EDIL3: variants seen among roughly 807,000 people sequenced by gnomAD.
The protein encoded by EDIL3 is EGF-like repeat and discoidin I-like domain-containing protein 3.
A neutral mutation model predicts 67.4 loss-of-function variants in EDIL3; 37 were observed. The observed-to-expected ratio is 0.55, with a 90% confidence interval of 0.42 to 0.72. The LOEUF is 0.72. Among genes scored for constraint, EDIL3 ranks in the 30% least tolerant of loss-of-function variants. The pLI is 0.00. For synonymous variants in EDIL3, 195 were observed against 196.3 expected (o/e 0.99, Z 0.05); for missense variants, 527 against 586.3 (o/e 0.90, Z 1.04).
intron 3 of EDIL3, among the ~76,000 whole-genome samples, chr5:84,188,382 G>A (rs1484719041): frequency 6.6e-6 from 1 of 151,944 alleles, no homozygotes. Context: ...AGATTCTGGT[G>A]GCTCCTGGCA....
intron 3 of EDIL3, among the ~76,000 whole-genome samples, chr5:84,223,916 A>G (rs1744399067): frequency 6.6e-6 from 1 of 151,452 alleles, no homozygotes; most frequent in Non-Finnish European, 1.5e-5. Context: ...TATTTTTACC[A>G]TTTACATATA....
chr5:84,320,966 T>C (rs1343880691), intron 1 of EDIL3, among the ~76,000 whole-genome samples: 1 of 152,190 alleles, frequency 6.6e-6, no homozygotes, highest in Admixed American at 6.5e-5. Context: ...ATTTTGTTTA[T>C]AAATAATTAC....
intron 3 of EDIL3, among the ~76,000 whole-genome samples, chr5:84,216,015 G>A (rs2112394677): frequency 6.6e-6 from 1 of 152,296 alleles, no homozygotes; most frequent in African/African-American, 2.4e-5. Context: ...GACTGAAGAG[G>A]GGCCTGGAGT....
At chr5:84,383,012 T>C (rs963255131) in intron 1 of EDIL3, among the ~76,000 whole-genome samples, 2 of 152,198 alleles carry the variant, frequency 1.3e-5, no homozygotes, top group African/African-American at 2.4e-5. Context: ...GTGACTCAAA[T>C]AGATGGATAG....
At chr5:84,070,990 A>G (rs1022203025) in intron 6 of EDIL3, among the ~76,000 whole-genome samples, 3 of 152,072 alleles carry the variant, frequency 2.0e-5, no homozygotes, top group Non-Finnish European at 4.4e-5. Flanking sequence ...GCTCTTTCTG[A>G]TCTACCCAGT....
At position 84,254,205 on chromosome 5, in the gene EDIL3, A is replaced by G; in HGVS notation, c.75T>C (p.Ile25=). The G allele has an allele frequency of 1.2e-6, 2 of 1,611,058 alleles. No homozygotes were observed. Among genetic ancestry groups the G allele is most frequent in the Non-Finnish European group, 1.7e-6 (2 of 1,178,664 alleles). ...LGVPQFGKGD[I]CDPNPCENGG... ...CATTTTCACATGGATTGGGATCACA[A>G]ATATCACCTAAGGCATAAAAAAAAA... The change falls in exon 2 of 11, where the codon ATT becomes ATC. Residue 25 remains isoleucine, a synonymous_variant. Transcript: ENST00000296591.
chr5:84,274,350 C>T (rs1446827554), intron 1 of EDIL3, among the ~76,000 whole-genome samples: 1 of 152,132 alleles, frequency 6.6e-6, no homozygotes, highest in East Asian at 1.9e-4. Context: ...AATCCTCCCA[C>T]CTTGGCCTCC....
At chr5:84,241,737 C>G (rs1041441956) in intron 2 of EDIL3, among the ~76,000 whole-genome samples, 2 of 149,528 alleles carry the variant, frequency 1.3e-5, no homozygotes, top group African/African-American at 4.9e-5. Flanking sequence ...ACTTATTGGA[C>G]ATTTCAATAA....
chr5:84,176,559 A>G (rs184652527), intron 4 of EDIL3, among the ~76,000 whole-genome samples: 43 of 151,550 alleles, frequency 2.8e-4, no homozygotes, highest in Middle Eastern at 3.4e-3. Context: ...GAGTGAAGAA[A>G]TAACCTTTCT....
intron 3 of EDIL3, among the ~76,000 whole-genome samples, chr5:84,187,539 GA>G (rs1353833513): frequency 2.0e-5 from 3 of 152,042 alleles, no homozygotes; most frequent in African/African-American, 7.2e-5. Context: ...ATGTAGTAAG[GA>G]AATGCCAGTA....
In EDIL3 at chr5:84,036,441, G is replaced by A. The variant is rs116171622; in HGVS notation, c.1137+23859C>T. 3.0e-3 allele frequency among the ~76,000 whole-genome samples: 460 copies of A among 152,242 alleles called. 2 individuals carry two copies. The highest frequency in any genetic ancestry group is 0.011 in the African/African-American group (437 of 41,534). The stretch of plus-strand genomic sequence containing the variant: ...TTTTCACTTTGAAAATAAGAAAATT[G>A]TGCTCCAGAAAAGACAGATCTTTTG... On this transcript the variant is annotated intron_variant, in intron 9 of 10. Coordinates refer to ENST00000296591, the MANE Select transcript of EDIL3 (RefSeq NM_005711.5).
At chr5:84,029,735 T>C (rs1381226214) in intron 9 of EDIL3, among the ~76,000 whole-genome samples, 3 of 152,170 alleles carry the variant, frequency 2.0e-5, no homozygotes, top group Non-Finnish European at 4.4e-5. Context: ...AATTAAAGTC[T>C]GTATCTACAA....
At chr5:84,206,727 C>A (rs1743987644) in intron 3 of EDIL3, among the ~76,000 whole-genome samples, 1 of 152,022 alleles carries the variant, frequency 6.6e-6, no homozygotes, top group African/African-American at 2.4e-5. Context: ...CCCTGGGATG[C>A]AAGACTGGTT....
rs920457819 is a variant in EDIL3 at position 84,133,401 on chromosome 5, T to A, written c.469+3840A>T. Among the ~76,000 whole-genome samples, 3 of 142,710 alleles carry A rather than the reference T, an allele frequency of 2.1e-5. 1 individual carries two copies. The highest frequency in any genetic ancestry group is 4.5e-5 in the Non-Finnish European group (3 of 66,912). The allele number at this position is 142,710 out of a possible 152,430, so 93.6% of individuals were successfully genotyped here. A position where few individuals can be genotyped will look rare whatever the true frequency, so the allele number is the denominator to read the frequency against. ...ACTTTGGGAGGCCGAGGTGAGAAGA[T>A]CATTCAAGGTCAGGAGTTTGAGACC... On this transcript the variant is annotated intron_variant, in intron 5 of 10. Transcript: ENST00000296591.
intron 3 of EDIL3, among the ~76,000 whole-genome samples, chr5:84,219,758 G>A (rs571396340): frequency 1.3e-5 from 2 of 152,240 alleles, no homozygotes; most frequent in South Asian, 4.1e-4. Flanking sequence ...TGGTACATAT[G>A]GACAATGGAG....
At chr5:84,080,298 C>CAAAAAAAAAAAAAAAAAAAAAAAA (rs369961167) in intron 6 of EDIL3, among the ~76,000 whole-genome samples, 1 of 54,284 alleles carries the variant, frequency 1.8e-5, no homozygotes, top group African/African-American at 8.3e-5. Flanking sequence ...GACTCTGTCT[C>CAAAAAAAAAAAAAAAAAAAAAAAA]AAAAAAAAAA....
intron 1 of EDIL3, among the ~76,000 whole-genome samples, chr5:84,370,244 C>G (rs927891468): frequency 1.1e-4 from 16 of 152,266 alleles, no homozygotes; most frequent in Non-Finnish European, 2.4e-4. Flanking sequence ...GAATAAATAG[C>G]AGTTTGCAGT....
chr5:84,334,741 A>C (rs1213656444), intron 1 of EDIL3, among the ~76,000 whole-genome samples: 1 of 152,136 alleles, frequency 6.6e-6, no homozygotes, highest in Non-Finnish European at 1.5e-5. Context: ...CTTTTGCCTC[A>C]AATATTATTT....
At chr5:84,177,014 T>G (rs245709) in intron 4 of EDIL3, among the ~76,000 whole-genome samples, 80,251 of 151,252 alleles carry the variant, frequency 0.53, 21,432 homozygotes, top group East Asian at 0.71. Context: ...ACAGCCATGT[T>G]GGAGACCTTT....
Sources: allele counts gnomAD v4.1 joint callset (sites outside exome capture counted in the v4.1 genomes callset), GRCh38; gene constraint gnomAD v4.1.1; transcripts MANE v1.5; gene names NCBI Gene and HGNC (gene_info 2026-07-23, HGNC 2026-07-21).